The following PRKCE variants were observed in gnomAD, a reference collection of about 807,000 sequenced individuals.
PRKCE encodes protein kinase C epsilon type.
In PRKCE, 16 loss-of-function variants were observed where a neutral mutation model predicts 85.4. That is an observed-to-expected ratio of 0.19 (90% CI 0.13 to 0.28). The LOEUF is 0.28. PRKCE is among the 10% of genes least tolerant of loss of function. The pLI is 1.00. For missense variants in PRKCE, 573 were observed against 975.2 expected (o/e 0.59, Z 5.49); for synonymous variants, 388 against 371.5 (o/e 1.04, Z -0.51).
chr2:45,946,410 T>C (rs115615384), intron 2 of PRKCE, among the ~76,000 whole-genome samples: 2,077 of 152,348 alleles, frequency 0.014, 31 homozygotes, highest in Middle Eastern at 0.044. Flanking sequence ...CTGGCTCAGC[T>C]CTTCCCAGGG....
Position 45,652,038 on chromosome 2 carries a change from G to A in PRKCE, c.-63G>A. The A allele has an allele frequency of 7.5e-7, 1 of 1,330,752 alleles. No homozygotes were observed. The highest frequency in any genetic ancestry group is 1.0e-6 in the Non-Finnish European group (1 of 967,236). 82.4% of individuals were successfully genotyped at this position (1,330,752 alleles called of 1,614,324 possible). A position where few individuals can be genotyped will look rare whatever the true frequency, so the allele number is the denominator to read the frequency against. On this transcript the variant is annotated 5_prime_UTR_variant, in exon 1 of 15. Coordinates refer to ENST00000306156, the MANE Select transcript of PRKCE (RefSeq NM_005400.3). The surrounding 1 kb of genome is among the most constrained non-coding windows in gnomAD (Gnocchi z 7.7). ...CTGTGGCTCGGAGTGCCGGGCCGTCGGTTCTTCATTCCTGCCCTCGGGGCA... is the reference window on the plus strand; with the variant it reads ...CTGTGGCTCGGAGTGCCGGGCCGTCAGTTCTTCATTCCTGCCCTCGGGGCA...
intron 2 of PRKCE, among the ~76,000 whole-genome samples, chr2:45,906,094 G>A (rs142047603): frequency 9.6e-4 from 146 of 152,366 alleles, no homozygotes; most frequent in African/African-American, 3.5e-3. Flanking sequence ...CAGATGCAGC[G>A]GCTTTCCTGC....
chr2:45,805,596 CTT>C (rs529307964), intron 1 of PRKCE, among the ~76,000 whole-genome samples: 13 of 142,562 alleles, frequency 9.1e-5, no homozygotes, highest in South Asian at 2.2e-4. Flanking sequence ...TTACCTTCCT[CTT>C]TTTTTTTTTT....
At chr2:45,851,557 GAC>G (rs1472498893) in intron 2 of PRKCE, 1 of 152,132 alleles carries the variant, frequency 6.6e-6, no homozygotes, top group Non-Finnish European at 1.5e-5. Context: ...GAAAGGATGA[GAC>G]ATTTCTTGTC....
At chr2:46,154,077 G>A (rs1033362665) in intron 13 of PRKCE, among the ~76,000 whole-genome samples, 4 of 152,080 alleles carry the variant, frequency 2.6e-5, no homozygotes, top group African/African-American at 7.2e-5. Flanking sequence ...GAGCCTCCAC[G>A]CCCGGCCTGG....
At chr2:45,701,962 G>A (rs1351639552) in intron 1 of PRKCE, among the ~76,000 whole-genome samples, 1 of 152,172 alleles carries the variant, frequency 6.6e-6, no homozygotes. Context: ...GGAGGCTGAG[G>A]CGGATCACCT....
intron 4 of PRKCE, 94 bp downstream of exon 4, chr2:45,979,104 T>C: frequency 8.5e-7 from 1 of 1,172,148 alleles, no homozygotes; most frequent in Admixed American, 1.9e-5. Context: ...CTGATGACAT[T>C]TGGAGGCTCT....
At chr2:46,092,000 T>C (rs1482102957) in intron 11 of PRKCE, among the ~76,000 whole-genome samples, 1 of 152,256 alleles carries the variant, frequency 6.6e-6, no homozygotes, top group Non-Finnish European at 1.5e-5. Context: ...AGTCCGTTTT[T>C]CTTCATCAAA....
chr2:46,157,404 G>A (rs1198678857), intron 13 of PRKCE, among the ~76,000 whole-genome samples: 1 of 152,152 alleles, frequency 6.6e-6, no homozygotes, highest in South Asian at 2.1e-4. Flanking sequence ...ATTTTGTCCT[G>A]TTCCCTTAGA....
chr2:45,820,352 G>T (rs1444384587), intron 1 of PRKCE, among the ~76,000 whole-genome samples: 1 of 152,158 alleles, frequency 6.6e-6, no homozygotes, highest in African/African-American at 2.4e-5. Context: ...CCAGGATCGA[G>T]AGGGTAATAG....
intron 2 of PRKCE, among the ~76,000 whole-genome samples, chr2:45,940,045 G>C (rs1699764397): frequency 6.6e-6 from 1 of 152,218 alleles, no homozygotes; most frequent in African/African-American, 2.4e-5. Flanking sequence ...TAGTTGACCT[G>C]ATGTTTTAGA....
At chr2:46,174,263 GCCAA>G (rs1679202476) in intron 14 of PRKCE, among the ~76,000 whole-genome samples, 1 of 152,190 alleles carries the variant, frequency 6.6e-6, no homozygotes, top group African/African-American at 2.4e-5. Flanking sequence ...GGAATGGTGG[GCCAA>G]GTGGCCTCCC....
At chr2:46,103,830 A>G (rs1313258710) in intron 11 of PRKCE, among the ~76,000 whole-genome samples, 2 of 152,198 alleles carry the variant, frequency 1.3e-5, no homozygotes, top group African/African-American at 2.4e-5. Flanking sequence ...TTTCATTCTT[A>G]TCTCCACATT....
Position 45,652,029 on chromosome 2 carries a change from C to T in PRKCE, c.-72C>T, listed in dbSNP as rs1675149699. 4 of 1,231,754 alleles carry T rather than the reference C, an allele frequency of 3.2e-6. No individual in the cohort carries two copies. The highest frequency in any genetic ancestry group is 4.7e-5 in the East Asian group (2 of 42,284). The allele number at this position is 1,231,754 out of a possible 1,614,324, so 76.3% of individuals were successfully genotyped here. A position where few individuals can be genotyped will look rare whatever the true frequency, so the allele number is the denominator to read the frequency against. On this transcript the variant is annotated 5_prime_UTR_variant, in exon 1 of 15. Transcript: ENST00000306156. The surrounding 1 kb of genome is among the most constrained non-coding windows in gnomAD (Gnocchi z 7.7). ...CAAGAGTCCCTGTGGCTCGGAGTGC[C>T]GGGCCGTCGGTTCTTCATTCCTGCC...
intron 11 of PRKCE, among the ~76,000 whole-genome samples, chr2:46,090,708 C>G (rs370035210): frequency 7.3e-4 from 111 of 151,932 alleles, no homozygotes; most frequent in African/African-American, 2.6e-3. Context: ...TATGAGGACC[C>G]TGTGGTCTGT....
intron 14 of PRKCE, among the ~76,000 whole-genome samples, chr2:46,165,086 C>G (rs1235166569): frequency 6.6e-6 from 1 of 152,236 alleles, no homozygotes; most frequent in Non-Finnish European, 1.5e-5. Context: ...CCTTGTCTAA[C>G]CCCTGCCCTG....
intron 1 of PRKCE, among the ~76,000 whole-genome samples, chr2:45,739,067 C>T (rs1486485175): frequency 6.6e-6 from 1 of 152,230 alleles, no homozygotes; most frequent in African/African-American, 2.4e-5. Flanking sequence ...TGTCTTCTGG[C>T]TGGCTGTATT....
At chr2:46,134,776 A>G (rs1674790837) in intron 11 of PRKCE, among the ~76,000 whole-genome samples, 1 of 152,210 alleles carries the variant, frequency 6.6e-6, no homozygotes, top group Admixed American at 6.5e-5. Context: ...TTGATGACCA[A>G]GTTGATTGGC....
intron 1 of PRKCE, among the ~76,000 whole-genome samples, chr2:45,768,780 T>A (rs1000746796): frequency 2.6e-5 from 4 of 152,250 alleles, no homozygotes; most frequent in African/African-American, 9.6e-5. Context: ...GGAATTATAG[T>A]CTTTACCATG....
Sources: allele counts gnomAD v4.1 joint callset (sites outside exome capture counted in the v4.1 genomes callset), GRCh38; gene constraint gnomAD v4.1.1; non-coding constraint Gnocchi (gnomAD v3.1); transcripts MANE v1.5; gene names NCBI Gene and HGNC (gene_info 2026-07-23, HGNC 2026-07-21).